The following FSD1 variants were observed in gnomAD, a reference collection of about 807,000 sequenced individuals.
The protein encoded by FSD1 is fibronectin type III and SPRY domain containing 1.
FSD1 carries 23 observed loss-of-function variants against 58.2 expected under a neutral mutation model. That is an observed-to-expected ratio of 0.40 (90% CI 0.28 to 0.56). The LOEUF is 0.56. FSD1 is among the 20% of genes least tolerant of loss of function. The pLI, the probability that FSD1 is intolerant of heterozygous loss-of-function variation, is 0.54. For synonymous variants in FSD1, 265 were observed against 263.4 expected (o/e 1.01, Z -0.06); for missense variants, 563 against 670.8 (o/e 0.84, Z 1.78).
Position 4,317,242 on chromosome 19 carries a change from C to A in FSD1, c.761C>A (p.Ala254Glu). 1 of 1,612,762 alleles carries A rather than the reference C, an allele frequency of 6.2e-7. No homozygotes were observed. The highest frequency in any genetic ancestry group is 1.1e-5 in the South Asian group (1 of 91,066). Residue 254 changes from alanine (A) to glutamate (E), a missense_variant, in exon 8 of 13, where the codon GCA becomes GAA. Coordinates refer to ENST00000221856, the MANE Select transcript of FSD1 (RefSeq NM_024333.3). ...GTGAAGGCCTGTAACAAGGCAGTTG[C>A]AGGAGAGTTCTCTGAGCCGGTGACT... Reference protein sequence around the residue: ...FRVKACNKAVAGEFSEPVTLE... With the variant: ...FRVKACNKAVEGEFSEPVTLE...
intron 10 of FSD1, among the ~76,000 whole-genome samples, chr19:4,319,347 T>C (rs1384913515): frequency 6.6e-6 from 1 of 151,958 alleles, no homozygotes; most frequent in Admixed American, 6.6e-5. Flanking sequence ...GGCAGGAATT[T>C]TGGGGGATCA....
In FSD1 at chr19:4,305,646, T is replaced by C. The variant is rs143543291; in HGVS notation, c.16-300T>C. 8.3e-4 allele frequency among the ~76,000 whole-genome samples: 127 copies of C among 152,228 alleles called. 2 individuals carry two copies. The highest frequency in any genetic ancestry group is 2.9e-3 in the African/African-American group (121 of 41,546). ...AGGGCGCCCAGCTGCTATGGGTGAA[T>C]TGTATCAGCCCGGAGCTTTACCTCC... On this transcript the variant is annotated intron_variant, in intron 1 of 12. Transcript: ENST00000221856.
intron 8 of FSD1, 41 bp downstream of exon 8, chr19:4,317,321 C>G (rs1313207489): frequency 8.6e-7 from 1 of 1,159,260 alleles, no homozygotes; most frequent in Non-Finnish European, 1.3e-6. Flanking sequence ...AACTCCATGG[C>G]CCCTTCCTCC....
At chr19:4,307,151 C>CTAA (rs1387177979) in intron 3 of FSD1, among the ~76,000 whole-genome samples, 1 of 152,046 alleles carries the variant, frequency 6.6e-6, no homozygotes, top group Non-Finnish European at 1.5e-5. Flanking sequence ...GCCTCCCAGG[C>CTAA]TTAAGCGATT....
At chr19:4,322,919 G>T (rs905488406) in intron 10 of FSD1, 67 bp from the exon 11 acceptor site, 2 of 1,528,582 alleles carry the variant, frequency 1.3e-6, no homozygotes, top group African/African-American at 1.4e-5. Context: ...CTGGCCCTTT[G>T]TGGAAGGGCA....
At chr19:4,315,301 ATTTTTTTTT>A (rs1219053251) in intron 7 of FSD1, among the ~76,000 whole-genome samples, 4 of 79,576 alleles carry the variant, frequency 5.0e-5, no homozygotes, top group African/African-American at 2.2e-4. Context: ...CGCCTGGTTA[ATTTTTTTTT>A]TTTTTTTTTT....
chr19:4,318,789 G>A (rs1407444848), intron 9 of FSD1, 83 bp from the exon 10 acceptor site: 10 of 1,087,784 alleles, frequency 9.2e-6, no homozygotes, highest in African/African-American at 3.1e-5. Flanking sequence ...ACGGTGGCTG[G>A]GGTGGACTAG....
At chr19:4,313,227 C>A (rs913523620) in intron 7 of FSD1, among the ~76,000 whole-genome samples, 2 of 151,764 alleles carry the variant, frequency 1.3e-5, no homozygotes, top group Admixed American at 1.3e-4. Flanking sequence ...GTGGTCCCCG[C>A]TACCAAGGGA....
Position 4,311,942 on chromosome 19 carries a change from C to T in FSD1, c.591C>T (p.His197=). ...CGGATGAGGACAGCAAGATTGACCA[C>T]TACGTGCTGGAGTACCGGCGGACCA... ...RMPDEDSKID[H]YVLEYRRTNF... Residue 197 remains histidine (H), a synonymous_variant, in exon 7 of 13, where the codon CAC becomes CAT. Transcript: ENST00000221856. 1 of 1,614,038 alleles carries T rather than the reference C, an allele frequency of 6.2e-7. No homozygotes were observed. The highest frequency in any genetic ancestry group is 1.1e-5 in the South Asian group (1 of 91,086).
Position 4,307,946 on chromosome 19 carries a change from A to C in FSD1, c.308A>C (p.Gln103Pro), listed in dbSNP as rs1461810903. The C allele has an allele frequency of 1.2e-6, 2 of 1,613,898 alleles. No homozygotes were observed. Among genetic ancestry groups the C allele is most frequent in the Non-Finnish European group, 1.7e-6 (2 of 1,179,978 alleles). Residue 103 changes from glutamine (Q) to proline (P), a missense_variant, in exon 4 of 13, where the codon CAG becomes CCG. Gln to Pro is a moderately conservative substitution (Grantham distance 76). Transcript: ENST00000221856. ...SSEELLETAN[Q>P]TLQAMDSEDF... ...GAGGAGCTTCTGGAGACAGCCAACC[A>C]GACTCTGCAGGCCATGGACAGCGAG...
intron 1 of FSD1, 81 bp downstream of exon 1, chr19:4,304,842 C>G: frequency 2.1e-6 from 1 of 474,670 alleles, no homozygotes. Flanking sequence ...AGCGCCCCCA[C>G]TCCCTCCCCG....
chr19:4,316,645 A>T (rs1394272487), intron 7 of FSD1, among the ~76,000 whole-genome samples: 1 of 151,940 alleles, frequency 6.6e-6, no homozygotes, highest in East Asian at 1.9e-4. Flanking sequence ...GTCTTAAAGC[A>T]TCCTGATTGG....
At chr19:4,312,838 A>G (rs1398089171) in intron 7 of FSD1, among the ~76,000 whole-genome samples, 2 of 150,892 alleles carry the variant, frequency 1.3e-5, no homozygotes, top group African/African-American at 4.9e-5. Context: ...AAATAAATAA[A>G]TAATAATAAT....
chr19:4,314,082 G>A (rs1223132504), intron 7 of FSD1, among the ~76,000 whole-genome samples: 2 of 152,086 alleles, frequency 1.3e-5, no homozygotes, highest in Non-Finnish European at 2.9e-5. Flanking sequence ...CCGGAGGGGC[G>A]GGGAGAGGCT....
At chr19:4,314,515 C>T (rs1402574322) in intron 7 of FSD1, among the ~76,000 whole-genome samples, 1 of 146,068 alleles carries the variant, frequency 6.8e-6, no homozygotes, top group African/African-American at 2.5e-5. Flanking sequence ...GAGATGGAGT[C>T]TCGCTTTGTC....
intron 10 of FSD1, among the ~76,000 whole-genome samples, chr19:4,322,313 G>A (rs1009425203): frequency 1.4e-5 from 2 of 144,634 alleles, no homozygotes; most frequent in African/African-American, 5.1e-5. Flanking sequence ...TATCTGGGGG[G>A]GCGGATAGCT....
In FSD1 at chr19:4,307,878, A is replaced by G. The variant is rs776116915; in HGVS notation, c.244-4A>G. The stretch of plus-strand genomic sequence containing the variant: ...TCCCCTCCTTTGGTGCCTGGTATCC[A>G]CAGAACCAGCTGGCTGCCTGCACGC... On this transcript the variant is annotated splice_polypyrimidine_tract_variant and splice_region_variant and intron_variant, in intron 3 of 12. Coordinates refer to ENST00000221856, the MANE Select transcript of FSD1 (RefSeq NM_024333.3). 6.2e-6 allele frequency: 10 copies of G among 1,611,912 alleles called. No homozygotes were observed. The South Asian group carries it at 9.9e-5, about 16-fold the overall frequency.
intron 3 of FSD1, among the ~76,000 whole-genome samples, 165 bp downstream of exon 3, chr19:4,306,494 G>T (rs764963496): frequency 2.0e-5 from 3 of 151,062 alleles, no homozygotes; most frequent in Non-Finnish European, 3.0e-5. Flanking sequence ...TGAGACGGAG[G>T]TCTCGCTCTG....
chr19:4,319,100 A>G lies in FSD1; in HGVS notation c.1039+149A>G, dbSNP rs1033487064. 10 of 660,760 alleles carry G rather than the reference A, an allele frequency of 1.5e-5. No homozygotes were observed. The Admixed American group carries it at 2.5e-4, about 16-fold the overall frequency. The allele number at this position is 660,760 out of a possible 1,614,324, so 40.9% of individuals were successfully genotyped here. A position where few individuals can be genotyped will look rare whatever the true frequency, so the allele number is the denominator to read the frequency against. ...ATAACAGGTTGTTCTGGCACTGCCC[A>G]AATGGAAATATTTCGGGATAAGGGA... On this transcript the variant is annotated intron_variant, in intron 10 of 12. Coordinates refer to ENST00000221856, the MANE Select transcript of FSD1 (RefSeq NM_024333.3).
Sources: allele counts gnomAD v4.1 joint callset (sites outside exome capture counted in the v4.1 genomes callset), GRCh38; gene constraint gnomAD v4.1.1; transcripts MANE v1.5; gene names NCBI Gene and HGNC (gene_info 2026-07-23, HGNC 2026-07-21).